The following RAP2B variants were observed in gnomAD, a reference collection of about 807,000 sequenced individuals.
RAP2B encodes the protein ras-related protein Rap-2b.
RAP2B carries 6 observed loss-of-function variants against 14.4 expected under a neutral mutation model. The observed-to-expected ratio is 0.42, with a 90% CI of 0.23 to 0.82. The LOEUF is 0.82. Ranked by LOEUF, RAP2B falls within the 40% of genes least tolerant of loss-of-function variation. The pLI is 0.30. For missense variants in RAP2B, 137 were observed against 248.2 expected (o/e 0.55, Z 3.01); for synonymous variants, 118 against 113.2 (o/e 1.04, Z -0.27).
rs767700191 is a variant in RAP2B at position 153,163,065 on chromosome 3, C to T, written c.372C>T (p.Arg124=). ...ACAAGGTGGACCTGGAGGGTGAGCG[C>T]GAGGTCTCGTACGGGGAGGGCAAGG... is the stretch of plus-strand genomic sequence containing the variant. ...VGNKVDLEGE[R]EVSYGEGKAL... The change falls in exon 1 of 1, where the codon CGC becomes CGT. Residue 124 remains arginine, a synonymous_variant. Transcript: ENST00000323534. 1.6e-5 allele frequency: 26 copies of T among 1,614,038 alleles called. No homozygotes were observed. Among genetic ancestry groups the T allele is most frequent in the Non-Finnish European group, 2.2e-5 (26 of 1,180,024 alleles).
Position 153,167,078 on chromosome 3 carries a change from C to T in RAP2B, c.*3833C>T, listed in dbSNP as rs556900494. 40 of 167,118 alleles carry T rather than the reference C, an allele frequency of 2.4e-4. No individual in the cohort carries two copies. The highest frequency in any genetic ancestry group is 8.4e-4 in the African/African-American group (35 of 41,560). The allele number at this position is 167,118 out of a possible 1,614,324, so 10.4% of individuals were successfully genotyped here. A position where few individuals can be genotyped will look rare whatever the true frequency, so the allele number is the denominator to read the frequency against. ...AATTTGGAGATCATCACTGTTAAAA[C>T]GATACCAGACATTTGTCACAGTGTC... On this transcript the variant is annotated 3_prime_UTR_variant, in exon 1 of 1. Transcript: ENST00000323534.
At position 153,163,277 on chromosome 3, in the gene RAP2B, C is replaced by T. The variant is rs750913267; in HGVS notation, c.*32C>T. ...CACCGCGCGCCGGCCGCGCTCTGCG[C>T]ACAAAAGCCAAACGCATCCGACTCT... On this transcript the variant is annotated 3_prime_UTR_variant, in exon 1 of 1. Coordinates refer to ENST00000323534, the MANE Select transcript of RAP2B (RefSeq NM_002886.4). 13 of 1,498,246 alleles carry T rather than the reference C, an allele frequency of 8.7e-6. No homozygotes were observed. The East Asian group carries it at 1.9e-4, about 22-fold the overall frequency. The allele number at this position is 1,498,246 out of a possible 1,614,324, so 92.8% of individuals were successfully genotyped here. A position where few individuals can be genotyped will look rare whatever the true frequency, so the allele number is the denominator to read the frequency against.
At position 153,163,586 on chromosome 3, in the gene RAP2B, A is replaced by C. The variant is rs1343581711; in HGVS notation, c.*341A>C. 1 of 242,256 alleles carries C rather than the reference A, an allele frequency of 4.1e-6. No homozygotes were observed. The highest frequency in any genetic ancestry group is 2.3e-5 in the African/African-American group (1 of 44,050). 15.0% of individuals were successfully genotyped at this position (242,256 alleles called of 1,614,324 possible). On this transcript the variant is annotated 3_prime_UTR_variant, in exon 1 of 1. Transcript: ENST00000323534. ...CAAGCAAAAGTTTCAGCCTGGAAAA[A>C]AAATGGGGGGGAAGGGTGGATGAAA...
Position 153,165,300 on chromosome 3 carries a change from T to A in RAP2B, c.*2055T>A, listed in dbSNP as rs994380147. 2 of 167,088 alleles carry A rather than the reference T, an allele frequency of 1.2e-5. No homozygotes were observed. Among genetic ancestry groups the A allele is most frequent in the African/African-American group, 2.4e-5 (1 of 41,468 alleles). The allele number at this position is 167,088 out of a possible 1,614,324, so 10.4% of individuals were successfully genotyped here. On this transcript the variant is annotated 3_prime_UTR_variant, in exon 1 of 1. Coordinates refer to ENST00000323534, the MANE Select transcript of RAP2B (RefSeq NM_002886.4). ...AAACAGGCTAAGATAATATCCTTGT[T>A]CTCATTTACACCCTGCAGTTTGGAC...
At position 153,170,034 on chromosome 3, in the gene RAP2B, G is replaced by A. The variant is rs889875176; in HGVS notation, c.*6789G>A. 6.6e-6 allele frequency: 1 copy of A among 152,128 alleles called. No homozygotes were observed. Among genetic ancestry groups the A allele is most frequent in the Non-Finnish European group, 1.5e-5 (1 of 68,006 alleles). The allele number at this position is 152,128 out of a possible 1,614,324, so 9.4% of individuals were successfully genotyped here. A position where few individuals can be genotyped will look rare whatever the true frequency, so the allele number is the denominator to read the frequency against. Reference sequence around the variant, plus strand: ...TGAGTGTTGATCTGTTCTATAAATTGGAGGAGACAGCTATTTGCATTCTTT... The same window carrying A: ...TGAGTGTTGATCTGTTCTATAAATTAGAGGAGACAGCTATTTGCATTCTTT... On this transcript the variant is annotated 3_prime_UTR_variant, in exon 1 of 1. Transcript: ENST00000323534.
rs1713496423 is a variant in RAP2B at position 153,163,965 on chromosome 3, A to G, written c.*720A>G. On this transcript the variant is annotated 3_prime_UTR_variant, in exon 1 of 1. Coordinates refer to ENST00000323534, the MANE Select transcript of RAP2B (RefSeq NM_002886.4). ...GGACTGTTAACACTGATGCCAATAC[A>G]GTGTGGGGTGCCAGAAAGTGTCTGC... 1 of 166,856 alleles carries G rather than the reference A, an allele frequency of 6.0e-6. No individual in the cohort carries two copies. Among genetic ancestry groups the G allele is most frequent in the Non-Finnish European group, 1.5e-5 (1 of 68,080 alleles). The allele number at this position is 166,856 out of a possible 1,614,324, so 10.3% of individuals were successfully genotyped here.
In RAP2B at chr3:153,167,439, T is replaced by C. The variant is rs963541808; in HGVS notation, c.*4194T>C. The C allele has an allele frequency of 1.2e-5, 2 of 167,016 alleles. No individual in the cohort carries two copies. The highest frequency in any genetic ancestry group is 4.8e-5 in the African/African-American group (2 of 41,444). 10.3% of individuals were successfully genotyped at this position (167,016 alleles called of 1,614,324 possible). On this transcript the variant is annotated 3_prime_UTR_variant, in exon 1 of 1. Transcript: ENST00000323534. ...GTCTCGGGTAGGGTCTCAATTTTCA[T>C]TTCTAACAAGTTTCCAAGTGATTGT... is the stretch of plus-strand genomic sequence containing the variant.
In RAP2B at chr3:153,162,618, G is replaced by C. The variant is rs1713440659; in HGVS notation, c.-76G>C. 6.8e-7 allele frequency: 1 copy of C among 1,461,986 alleles called. No individual in the cohort carries two copies. 90.6% of individuals were successfully genotyped at this position (1,461,986 alleles called of 1,614,324 possible). On this transcript the variant is annotated 5_prime_UTR_variant, in exon 1 of 1. Transcript: ENST00000323534. The surrounding 1 kb of genome is among the most constrained non-coding windows in gnomAD (Gnocchi z 4.9). ...GCTGAGGAAGGGGAAGAGAAGTCCA[G>C]CCGCCAAGCCCAGCCTTCCCCGGCG...
Position 153,166,127 on chromosome 3 carries a change from A to G in RAP2B, c.*2882A>G. On this transcript the variant is annotated 3_prime_UTR_variant, in exon 1 of 1. Transcript: ENST00000323534. ...ACCTCTTTATAGTCTAGGATGGCAGAGCAGAAGATTTTAATATGCTTTTAT... is the reference window on the plus strand; with the variant it reads ...ACCTCTTTATAGTCTAGGATGGCAGGGCAGAAGATTTTAATATGCTTTTAT... 6.0e-6 allele frequency: 1 copy of G among 167,200 alleles called. No individual in the cohort carries two copies. The allele number at this position is 167,200 out of a possible 1,614,324, so 10.4% of individuals were successfully genotyped here.
rs561198790 is a variant in RAP2B at position 153,164,063 on chromosome 3, ATT to A, written c.*829_*830del. On this transcript the variant is annotated 3_prime_UTR_variant, in exon 1 of 1. Transcript: ENST00000323534. ...GGGGAGTCTGGGGGAGAATGGTAGT[ATT>A]TTTTTTTTTTATCAGCTGTGAAAAA... is the stretch of plus-strand genomic sequence containing the variant. The A allele has an allele frequency of 2.6e-5, 4 of 154,822 alleles. No individual in the cohort carries two copies. The highest frequency in any genetic ancestry group is 2.2e-4 in the South Asian group (1 of 4,540). 9.6% of individuals were successfully genotyped at this position (154,822 alleles called of 1,614,324 possible). A position where few individuals can be genotyped will look rare whatever the true frequency, so the allele number is the denominator to read the frequency against.
rs1316850912 is a variant in RAP2B, at chr3:153,169,267, C to T, written c.*6022C>T. The T allele has an allele frequency of 2.0e-5, 3 of 150,864 alleles. No individual in the cohort carries two copies. Among genetic ancestry groups the T allele is most frequent in the African/African-American group, 7.3e-5 (3 of 40,866 alleles). The allele number at this position is 150,864 out of a possible 1,614,324, so 9.3% of individuals were successfully genotyped here. ...CCGCTTCCTGGGTTCAAGCAATTCT[C>T]CTGCCTCAGCCTTTCCAGTAGCTGG... On this transcript the variant is annotated 3_prime_UTR_variant, in exon 1 of 1. Transcript: ENST00000323534.
At position 153,165,288 on chromosome 3, in the gene RAP2B, T is replaced by A. The variant is rs1038439927; in HGVS notation, c.*2043T>A. The A allele has an allele frequency of 4.2e-5, 7 of 167,118 alleles. No individual in the cohort carries two copies. The highest frequency in any genetic ancestry group is 1.7e-4 in the African/African-American group (7 of 41,472). 10.4% of individuals were successfully genotyped at this position (167,118 alleles called of 1,614,324 possible). A position where few individuals can be genotyped will look rare whatever the true frequency, so the allele number is the denominator to read the frequency against. ...AGATTTAAAAGAAAACAGGCTAAGA[T>A]AATATCCTTGTTCTCATTTACACCC... On this transcript the variant is annotated 3_prime_UTR_variant, in exon 1 of 1. Coordinates refer to ENST00000323534, the MANE Select transcript of RAP2B (RefSeq NM_002886.4).
chr3:153,164,344 T>TC lies in RAP2B; in HGVS notation c.*1102dup, dbSNP rs1713509184. On this transcript the variant is annotated 3_prime_UTR_variant, in exon 1 of 1. Transcript: ENST00000323534. ...GCCAACCTGTGAACTTCCCACCATA[T>TC]CCCAGAATCTGCTATTCCCCAAACC... is the stretch of plus-strand genomic sequence containing the variant. 6.0e-6 allele frequency: 1 copy of TC among 167,082 alleles called. No individual in the cohort carries two copies. The allele number at this position is 167,082 out of a possible 1,614,324, so 10.3% of individuals were successfully genotyped here. A position where few individuals can be genotyped will look rare whatever the true frequency, so the allele number is the denominator to read the frequency against.
chr3:153,170,476 A>G lies in RAP2B; in HGVS notation c.*7231A>G, dbSNP rs557872458. The G allele has an allele frequency of 3.9e-5, 6 of 152,256 alleles. No homozygotes were observed. The highest frequency in any genetic ancestry group is 7.3e-5 in the Non-Finnish European group (5 of 68,044). 9.4% of individuals were successfully genotyped at this position (152,256 alleles called of 1,614,324 possible). On this transcript the variant is annotated 3_prime_UTR_variant, in exon 1 of 1. Coordinates refer to ENST00000323534, the MANE Select transcript of RAP2B (RefSeq NM_002886.4). ...TGTGAAATAGTGTATATTAAACAAT[A>G]ATAGTATATGGAAAAGCACATCTAC... is the stretch of plus-strand genomic sequence containing the variant.
In RAP2B at chr3:153,163,517, T is replaced by C; in HGVS notation, c.*272T>C. On this transcript the variant is annotated 3_prime_UTR_variant, in exon 1 of 1. Transcript: ENST00000323534. Reference sequence around the variant, plus strand: ...ATTTTGGTTGATGCATATTTCCCCGTTTAAGTAGCCGTTAGGGCGCAGTAT... The same window carrying C: ...ATTTTGGTTGATGCATATTTCCCCGCTTAAGTAGCCGTTAGGGCGCAGTAT... 2 of 423,700 alleles carry C rather than the reference T, an allele frequency of 4.7e-6. No individual in the cohort carries two copies. The highest frequency in any genetic ancestry group is 8.7e-6 in the Non-Finnish European group (2 of 230,882). 26.2% of individuals were successfully genotyped at this position (423,700 alleles called of 1,614,324 possible).
rs1439593843 is a variant in RAP2B at position 153,168,290 on chromosome 3, A to G, written c.*5045A>G. 6.0e-6 allele frequency: 1 copy of G among 167,002 alleles called. No individual in the cohort carries two copies. The highest frequency in any genetic ancestry group is 6.6e-5 in the Admixed American group (1 of 15,262). 10.3% of individuals were successfully genotyped at this position (167,002 alleles called of 1,614,324 possible). On this transcript the variant is annotated 3_prime_UTR_variant, in exon 1 of 1. Transcript: ENST00000323534. ...TTCAAATTTCTCTTTTACAATTTAG[A>G]AAGTTTAGTACCAGTTTATAGACTG...
In RAP2B at chr3:153,165,659, T is replaced by G. The variant is rs1233615045; in HGVS notation, c.*2414T>G. ...CAGTACTCCAGCAATGGAGGAAGAATAGAGAATTTTGCCTGGCAATGGTCC... is the reference window on the plus strand; with the variant it reads ...CAGTACTCCAGCAATGGAGGAAGAAGAGAGAATTTTGCCTGGCAATGGTCC... On this transcript the variant is annotated 3_prime_UTR_variant, in exon 1 of 1. Coordinates refer to ENST00000323534, the MANE Select transcript of RAP2B (RefSeq NM_002886.4). The G allele has an allele frequency of 6.0e-6, 1 of 166,872 alleles. No individual in the cohort carries two copies. The highest frequency in any genetic ancestry group is 2.1e-4 in the South Asian group (1 of 4,834). 10.3% of individuals were successfully genotyped at this position (166,872 alleles called of 1,614,324 possible).
chr3:153,163,008 G>C lies in RAP2B; in HGVS notation c.315G>C (p.Arg105=). ...GGGACCAGATCATCCGCGTGAAGCG[G>C]TACGAGCGCGTGCCCATGATCCTGG... The part of the protein sequence containing the change: ...PMRDQIIRVK[R]YERVPMILVG... Residue 105 remains arginine, a synonymous_variant, in exon 1 of 1, where the codon CGG becomes CGC. Transcript: ENST00000323534. 2 of 1,614,174 alleles carry C rather than the reference G, an allele frequency of 1.2e-6. No homozygotes were observed. Among genetic ancestry groups the C allele is most frequent in the Non-Finnish European group, 1.7e-6 (2 of 1,180,046 alleles).
At position 153,163,256 on chromosome 3, in the gene RAP2B, G is replaced by T. The variant is rs150759749; in HGVS notation, c.*11G>T. 3.9e-6 allele frequency: 6 copies of T among 1,519,950 alleles called. No homozygotes were observed. Among genetic ancestry groups the T allele is most frequent in the Non-Finnish European group, 5.3e-6 (6 of 1,137,796 alleles). 94.2% of individuals were successfully genotyped at this position (1,519,950 alleles called of 1,614,324 possible). A position where few individuals can be genotyped will look rare whatever the true frequency, so the allele number is the denominator to read the frequency against. The stretch of plus-strand genomic sequence containing the variant: ...TGCGTGATCCTCTGAGGCGGCCACC[G>T]CGCGCCGGCCGCGCTCTGCGCACAA... On this transcript the variant is annotated 3_prime_UTR_variant, in exon 1 of 1. Transcript: ENST00000323534.
Sources: allele counts gnomAD v4.1 joint callset, GRCh38; gene constraint gnomAD v4.1.1; non-coding constraint Gnocchi (gnomAD v3.1); transcripts MANE v1.5; gene names NCBI Gene and HGNC (gene_info 2026-07-23, HGNC 2026-07-21).